PTPRT: variants seen among roughly 807,000 people sequenced by gnomAD.
PTPRT encodes protein tyrosine phosphatase receptor type T, also known as receptor-type tyrosine-protein phosphatase T.
A neutral mutation model predicts 176.8 loss-of-function variants in PTPRT; 56 were observed. The observed-to-expected ratio is 0.32, with a 90% CI of 0.26 to 0.40. PTPRT has a LOEUF of 0.40. Among genes scored for constraint, PTPRT ranks in the 10% least tolerant of loss-of-function variants. PTPRT has a pLI of 1.00. For missense variants in PTPRT, 1,540 were observed against 1,908.2 expected (o/e 0.81, Z 3.60); for synonymous variants, 783 against 739.0 (o/e 1.06, Z -0.96).
rs145522011 is a variant in PTPRT at position 42,916,400 on chromosome 20, T to C, written c.89-30468A>G. ...TTAGGTTGGTTCCAAGTCTTTGCTA[T>C]TGTGAATAGTGCCGCTATAAACATA... is the stretch of plus-strand genomic sequence containing the variant. On this transcript the variant is annotated intron_variant, in intron 1 of 30. Coordinates refer to ENST00000373187, the MANE Select transcript of PTPRT (RefSeq NM_007050.6). Among the ~76,000 whole-genome samples the C allele has an allele frequency of 5.8e-3, 891 of 152,310 alleles. 9 individuals are homozygous for C. Among genetic ancestry groups the C allele is most frequent in the African/African-American group, 0.02 (838 of 41,572 alleles).
intron 2 of PTPRT, among the ~76,000 whole-genome samples, chr20:42,870,769 G>C (rs1242842836): frequency 6.6e-6 from 1 of 152,092 alleles, no homozygotes; most frequent in Non-Finnish European, 1.5e-5. Flanking sequence ...TTTCCATATA[G>C]ACTATACCAT....
chr20:43,130,107 T>C (rs1037055686), intron 1 of PTPRT, among the ~76,000 whole-genome samples: 1 of 152,180 alleles, frequency 6.6e-6, no homozygotes, highest in Non-Finnish European at 1.5e-5. Flanking sequence ...AAATATATAT[T>C]TGGATTCCCA....
At chr20:42,609,851 A>G (rs570204289) in intron 7 of PTPRT, among the ~76,000 whole-genome samples, 2 of 152,328 alleles carry the variant, frequency 1.3e-5, no homozygotes, top group East Asian at 3.9e-4. Context: ...AACAGGATGA[A>G]TGTGCAGCCG....
intron 7 of PTPRT, among the ~76,000 whole-genome samples, chr20:42,491,849 C>A (rs2071566393): frequency 5.3e-5 from 8 of 152,138 alleles, no homozygotes; most frequent in Non-Finnish European, 1.5e-5. Context: ...CTCCTCCCTG[C>A]CATCTAAAAC....
chr20:42,600,661 C>T (rs1455415522), intron 7 of PTPRT, among the ~76,000 whole-genome samples: 8 of 152,060 alleles, frequency 5.3e-5, no homozygotes, highest in Non-Finnish European at 1.2e-4. Flanking sequence ...CCACTCTGTA[C>T]GCCTGTGTGA....
At chr20:42,419,597 A>G (rs935857471) in intron 9 of PTPRT, among the ~76,000 whole-genome samples, 1 of 152,006 alleles carries the variant, frequency 6.6e-6, no homozygotes, top group African/African-American at 2.4e-5. Flanking sequence ...GGCAGCTTTG[A>G]GTACTCCTTT....
At chr20:42,146,847 A>T (rs147990302) in intron 17 of PTPRT, among the ~76,000 whole-genome samples, 1 of 152,278 alleles carries the variant, frequency 6.6e-6, no homozygotes, top group African/African-American at 2.4e-5. Flanking sequence ...TTGCTCTTAT[A>T]TCTATCCTAC....
At chr20:42,260,113 A>G (rs565858921) in intron 13 of PTPRT, among the ~76,000 whole-genome samples, 3 of 152,366 alleles carry the variant, frequency 2.0e-5, no homozygotes, top group Non-Finnish European at 2.9e-5. Flanking sequence ...AGTGATGGGC[A>G]CCAACACAGA....
chr20:42,629,416 G>A (rs1225279620), intron 7 of PTPRT, among the ~76,000 whole-genome samples: 1 of 152,142 alleles, frequency 6.6e-6, no homozygotes, highest in African/African-American at 2.4e-5. Flanking sequence ...AACCAACTAG[G>A]TGAGTGCTAT....
chr20:43,078,153 A>C (rs772187346), intron 1 of PTPRT, among the ~76,000 whole-genome samples: 3 of 152,252 alleles, frequency 2.0e-5, no homozygotes, highest in Non-Finnish European at 4.4e-5. Context: ...AGTTCCTGGC[A>C]CAGAGTAAAT....
chr20:42,163,559 T>C (rs7268379), intron 16 of PTPRT, among the ~76,000 whole-genome samples: 3,197 of 152,304 alleles, frequency 0.021, 109 homozygotes, highest in African/African-American at 0.073. Flanking sequence ...GAACCCACTC[T>C]GTGCCAAGGA....
intron 2 of PTPRT, among the ~76,000 whole-genome samples, chr20:42,810,282 C>CA (rs966013578): frequency 4.1e-4 from 63 of 152,206 alleles, no homozygotes; most frequent in African/African-American, 1.4e-3. Flanking sequence ...GTCTGGCTGA[C>CA]AGAGTGAGGC....
intron 3 of PTPRT, among the ~76,000 whole-genome samples, chr20:42,788,239 A>AAGGCCC (rs1228766001): frequency 1.3e-5 from 2 of 151,762 alleles, no homozygotes; most frequent in African/African-American, 2.4e-5. Flanking sequence ...TGACCACCCC[A>AAGGCCC]AGGCCAGCTC....
At chr20:42,165,189 G>C (rs1351602750) in intron 16 of PTPRT, among the ~76,000 whole-genome samples, 1 of 151,942 alleles carries the variant, frequency 6.6e-6, no homozygotes, top group Admixed American at 6.6e-5. Context: ...CTTATCCCCT[G>C]CCCCACTGCT....
At chr20:43,126,093 T>C (rs2013427828) in intron 1 of PTPRT, among the ~76,000 whole-genome samples, 1 of 152,222 alleles carries the variant, frequency 6.6e-6, no homozygotes, top group Non-Finnish European at 1.5e-5. Flanking sequence ...CTCATCCCTT[T>C]AATCCCAGCA....
chr20:42,132,222 T>C (rs1190936218), intron 18 of PTPRT, among the ~76,000 whole-genome samples: 4 of 152,234 alleles, frequency 2.6e-5, no homozygotes, highest in African/African-American at 7.2e-5. Context: ...TATGGAGCTG[T>C]GATCAGATTT....
intron 16 of PTPRT, among the ~76,000 whole-genome samples, chr20:42,187,043 A>T (rs1990810238): frequency 1.3e-5 from 2 of 152,106 alleles, no homozygotes; most frequent in Admixed American, 1.3e-4. Context: ...AACTCATATG[A>T]TTGGTAAGGT....
At chr20:42,088,007 C>T (rs1478118088) in intron 27 of PTPRT, among the ~76,000 whole-genome samples, 1 of 151,544 alleles carries the variant, frequency 6.6e-6, no homozygotes. Context: ...GGGTGTGTGG[C>T]TGCAGAGAGG....
At position 43,083,342 on chromosome 20, in the gene PTPRT, A is replaced by G. The variant is rs1239523673; in HGVS notation, c.88+106304T>C. Among the ~76,000 whole-genome samples, 78 of 119,298 alleles carry G rather than the reference A, an allele frequency of 6.5e-4. 6 individuals are homozygous for G. The highest frequency in any genetic ancestry group is 1.0e-3 in the Non-Finnish European group (58 of 56,066). 78.3% of individuals were successfully genotyped at this position (119,298 alleles called of 152,430 possible). On this transcript the variant is annotated intron_variant, in intron 1 of 30. Coordinates refer to ENST00000373187, the MANE Select transcript of PTPRT (RefSeq NM_007050.6). Reference sequence around the variant, plus strand: ...AATGTATATATATATATATATATATATATATATATATATATATATATATAT... The same window carrying G: ...AATGTATATATATATATATATATATGTATATATATATATATATATATATAT...
Sources: allele counts gnomAD v4.1 joint callset (sites outside exome capture counted in the v4.1 genomes callset), GRCh38; gene constraint gnomAD v4.1.1; transcripts MANE v1.5; gene names NCBI Gene and HGNC (gene_info 2026-07-23, HGNC 2026-07-21).